Variants in SMIM36 observed in about 807,000 individuals in gnomAD.
SMIM36 encodes the protein small integral membrane protein 36.
At chr17:55,508,222 T>G (rs1457132092) in intron 1 of SMIM36, among the ~76,000 whole-genome samples, 2 of 151,774 alleles carry the variant, frequency 1.3e-5, no homozygotes, top group Non-Finnish European at 2.9e-5. Flanking sequence ...AACATCCCCC[T>G]CACCCCTTCC....
At chr17:55,469,225 T>G (rs1909298634) in intron 3 of SMIM36, among the ~76,000 whole-genome samples, 1 of 152,150 alleles carries the variant, frequency 6.6e-6, no homozygotes, top group Admixed American at 6.6e-5. Flanking sequence ...TACACCCAGT[T>G]TGGCTTACAG....
the SMIM36 span, among the ~76,000 whole-genome samples, chr17:55,523,274 G>A: frequency 9.8e-5 from 15 of 152,294 alleles, no homozygotes; most frequent in African/African-American, 3.6e-4. Context: ...GCTCATGCCT[G>A]TAATCCCAGT....
intron 1 of SMIM36, among the ~76,000 whole-genome samples, chr17:55,497,206 A>G (rs1909824744): frequency 6.6e-6 from 1 of 152,100 alleles, no homozygotes; most frequent in African/African-American, 2.4e-5. Context: ...TGGCAAAACC[A>G]CAAGCACATT....
chr17:55,484,607 A>G (rs1909574358), intron 1 of SMIM36, among the ~76,000 whole-genome samples: 1 of 152,240 alleles, frequency 6.6e-6, no homozygotes, highest in African/African-American at 2.4e-5. Context: ...ATCAAAAAAG[A>G]TGAGGCTGCA....
At chr17:55,525,972 A>G in the SMIM36 span, among the ~76,000 whole-genome samples, 1 of 146,434 alleles carries the variant, frequency 6.8e-6, no homozygotes, top group South Asian at 2.2e-4. Flanking sequence ...GCTGTAATTG[A>G]TTTGTTTTGA....
At chr17:55,488,477 T>C (rs1394341743) in intron 1 of SMIM36, among the ~76,000 whole-genome samples, 1 of 152,228 alleles carries the variant, frequency 6.6e-6, no homozygotes, top group East Asian at 1.9e-4. Context: ...TTTTAGGATG[T>C]GTGCTTCTAG....
At chr17:55,459,170 G>C (rs1246784411) in intron 4 of SMIM36, among the ~76,000 whole-genome samples, 1 of 152,072 alleles carries the variant, frequency 6.6e-6, no homozygotes, top group Admixed American at 6.5e-5. Context: ...GAAGATGCGA[G>C]CCCCACCCCC....
intron 1 of SMIM36, among the ~76,000 whole-genome samples, chr17:55,483,274 G>A (rs908380058): frequency 1.3e-5 from 2 of 152,148 alleles, no homozygotes; most frequent in African/African-American, 4.8e-5. Context: ...CTCACAGTAA[G>A]CATTGATTCT....
At chr17:55,502,122 T>A (rs1384920454) in intron 1 of SMIM36, among the ~76,000 whole-genome samples, 444 of 148,238 alleles carry the variant, frequency 3.0e-3, no homozygotes, top group African/African-American at 0.011. Context: ...GTGATCAAAC[T>A]GCAAGGCGGC....
upstream of SMIM36, among the ~76,000 whole-genome samples, chr17:55,514,111 C>T (rs1447940293): frequency 1.3e-5 from 2 of 152,180 alleles, no homozygotes; most frequent in East Asian, 3.9e-4. Context: ...CTTAATTAAC[C>T]TGGGTGGCTC....
Position 55,454,346 on chromosome 17 carries a change from A to C in SMIM36, c.*532-4048T>G, listed in dbSNP as rs1184069690. ...ATTTTGATGTGCATTACAAAAGAGA[A>C]AGAACCGCTGAGGTCAGCAATCATC... On this transcript the variant is annotated intron_variant, in intron 4 of 4. Coordinates refer to ENST00000636752, the Ensembl canonical transcript of SMIM36. Among the ~76,000 whole-genome samples the C allele has an allele frequency of 4.6e-5, 7 of 152,326 alleles. No homozygotes were observed. The East Asian group carries it at 1.3e-3, about 29-fold the overall frequency.
rs34617289 is a variant in SMIM36 at position 55,495,628 on chromosome 17, ATTTT to A, written c.*174+15247_*174+15250del. 5.5e-5 allele frequency among the ~76,000 whole-genome samples: 8 copies of A among 145,250 alleles called. No individual in the cohort carries two copies. In the East Asian group the frequency reaches 8.0e-4, roughly 15 times the overall value. On this transcript the variant is annotated intron_variant, in intron 1 of 4. Transcript: ENST00000636752. ...CATAGTGAGAACCCTGTCTCTATAA[ATTTT>A]TTTTTTTTTTTTTACAAAGGAAATT... is the stretch of plus-strand genomic sequence containing the variant.
At chr17:55,480,053 A>T (rs1201371500) in intron 1 of SMIM36, among the ~76,000 whole-genome samples, 2 of 152,102 alleles carry the variant, frequency 1.3e-5, no homozygotes, top group Admixed American at 1.3e-4. Flanking sequence ...GGCTCTTAGG[A>T]TGTCCTATAG....
At chr17:55,512,254 C>T (rs961616165), upstream of SMIM36, among the ~76,000 whole-genome samples, 1 of 152,104 alleles carries the variant, frequency 6.6e-6, no homozygotes, top group Non-Finnish European at 1.5e-5. Flanking sequence ...GAGAAAGGAG[C>T]CTGGAAAATT....
chr17:55,498,825 C>T (rs533224831), intron 1 of SMIM36, among the ~76,000 whole-genome samples: 1 of 151,526 alleles, frequency 6.6e-6, no homozygotes, highest in African/African-American at 2.4e-5. Context: ...ATGACAAAAC[C>T]CCGTCTCTAC....
At chr17:55,457,517 T>A (rs1053267335) in intron 4 of SMIM36, among the ~76,000 whole-genome samples, 10 of 149,150 alleles carry the variant, frequency 6.7e-5, no homozygotes, top group South Asian at 4.3e-4. Flanking sequence ...TTTAAAAAAA[T>A]TTTTTTTATT....
chr17:55,460,037 CT>C (rs1167421717), intron 4 of SMIM36, among the ~76,000 whole-genome samples: 1 of 152,010 alleles, frequency 6.6e-6, no homozygotes, highest in Non-Finnish European at 1.5e-5. Flanking sequence ...CAAATTGTTA[CT>C]ATGTATTATT....
intron 3 of SMIM36, among the ~76,000 whole-genome samples, chr17:55,473,389 TG>T (rs1909374426): frequency 6.6e-6 from 1 of 152,170 alleles, no homozygotes; most frequent in Admixed American, 6.5e-5. Context: ...CTCCACCAGA[TG>T]GGTCGACGCC....
At chr17:55,463,082 G>A (rs1598447804) in intron 4 of SMIM36, among the ~76,000 whole-genome samples, 2 of 152,254 alleles carry the variant, frequency 1.3e-5, no homozygotes, top group East Asian at 1.9e-4. Flanking sequence ...TCCAGGCTAT[G>A]TAATAATACA....
Sources: allele counts gnomAD v4.1 joint callset (sites outside exome capture counted in the v4.1 genomes callset), GRCh38; gene constraint gnomAD v4.1.1; transcripts MANE v1.5; gene names NCBI Gene and HGNC (gene_info 2026-07-23, HGNC 2026-07-21).